The following RALYL variants were observed in gnomAD, a reference collection of about 807,000 sequenced individuals.
RALYL encodes the protein RNA-binding Raly-like protein.
RALYL carries 29 observed loss-of-function variants against 35.1 expected under a neutral mutation model. That is an observed-to-expected ratio of 0.83 (90% CI 0.61 to 1.13). The LOEUF (loss-of-function observed/expected upper bound fraction) is 1.13, where lower values mean the gene tolerates loss of function less well. Among genes scored for constraint, RALYL ranks in the 50% most tolerant of loss-of-function variants. The pLI is 0.00. For missense variants in RALYL, 359 were observed against 360.4 expected, an observed-to-expected ratio of 1.00 and a Z score of 0.03; for synonymous variants, 120 against 127.6, an observed-to-expected ratio of 0.94 and a Z score of 0.40.
At chr8:84,597,294 T>C (rs1231864896) in intron 2 of RALYL, among the ~76,000 whole-genome samples, 1 of 152,172 alleles carries the variant, frequency 6.6e-6, no homozygotes, top group Admixed American at 6.5e-5. Flanking sequence ...CAATTCTCTA[T>C]GATATTTTAT....
At chr8:84,535,869 C>CA (rs1219378176) in intron 2 of RALYL, among the ~76,000 whole-genome samples, 2 of 152,020 alleles carry the variant, frequency 1.3e-5, no homozygotes, top group Non-Finnish European at 2.9e-5. Context: ...TCCTGGGAGG[C>CA]AAAATCACTC....
intron 2 of RALYL, among the ~76,000 whole-genome samples, chr8:84,625,842 T>C (rs996088152): frequency 2.0e-5 from 3 of 152,070 alleles, no homozygotes; most frequent in African/African-American, 7.2e-5. Flanking sequence ...CCTTAACCAG[T>C]GGTGGAGGGG....
At chr8:84,551,908 A>G (rs2060745988) in intron 2 of RALYL, among the ~76,000 whole-genome samples, 1 of 152,156 alleles carries the variant, frequency 6.6e-6, no homozygotes, top group Non-Finnish European at 1.5e-5. Context: ...TTTGCTCTGA[A>G]TGCCTATTGC....
intron 1 of RALYL, among the ~76,000 whole-genome samples, chr8:84,186,483 AAGAG>A (rs949047433): frequency 6.6e-6 from 1 of 152,138 alleles, no homozygotes; most frequent in East Asian, 1.9e-4. Flanking sequence ...TAGTTCTTTT[AAGAG>A]AGAGAGAGAC....
chr8:84,388,839 T>G (rs1859889757), intron 1 of RALYL, among the ~76,000 whole-genome samples: 1 of 152,180 alleles, frequency 6.6e-6, no homozygotes, highest in African/African-American at 2.4e-5. Flanking sequence ...AGAAGCTCTT[T>G]AGTTTAATTA....
rs117228057 is a variant in RALYL at position 84,847,994 on chromosome 8, C to T, written c.366-1986C>T. ...TATCCTTAAAGCCAAAATAACAAGC[C>T]CATCTTAATAAGGTTATTTCAGTTA... On this transcript the variant is annotated intron_variant, in intron 4 of 8. Transcript: ENST00000521268. Among the ~76,000 whole-genome samples the T allele has an allele frequency of 7.6e-3, 1,149 of 152,156 alleles. 2 individuals are homozygous for T. Among genetic ancestry groups the T allele is most frequent in the Non-Finnish European group, 0.012 (785 of 68,000 alleles).
intron 2 of RALYL, chr8:84,679,773 G>T (rs566705470): frequency 9.3e-5 from 48 of 516,430 alleles, no homozygotes; most frequent in South Asian, 6.8e-4. Context: ...CAGCACTGAT[G>T]AAGCCAGGGA....
intron 1 of RALYL, among the ~76,000 whole-genome samples, chr8:84,479,537 A>G (rs188755752): frequency 1.4e-4 from 22 of 152,310 alleles, no homozygotes; most frequent in African/African-American, 5.1e-4. Flanking sequence ...TTATTTTCAA[A>G]TCATTTTATT....
At chr8:84,405,888 C>T (rs1461614124) in intron 1 of RALYL, among the ~76,000 whole-genome samples, 5 of 137,168 alleles carry the variant, frequency 3.6e-5, no homozygotes, top group South Asian at 2.3e-4. Flanking sequence ...GGCACGATCT[C>T]GGCTCACTGC....
chr8:84,884,876 G>C (rs60255403), intron 7 of RALYL, among the ~76,000 whole-genome samples: 1 of 151,976 alleles, frequency 6.6e-6, no homozygotes, highest in African/African-American at 2.4e-5. Flanking sequence ...TTGAACAAGC[G>C]GCAGGGTGAC....
chr8:84,762,359 T>A (rs1189459936), intron 2 of RALYL, among the ~76,000 whole-genome samples: 1 of 152,208 alleles, frequency 6.6e-6, no homozygotes, highest in East Asian at 1.9e-4. Context: ...TCTTTTGTAT[T>A]TCCTTGATGC....
intron 1 of RALYL, among the ~76,000 whole-genome samples, chr8:84,305,417 A>G (rs773141878): frequency 3.9e-5 from 6 of 152,206 alleles, no homozygotes; most frequent in Non-Finnish European, 5.9e-5. Flanking sequence ...GAGGATATTA[A>G]AAAACAGTTA....
intron 1 of RALYL, among the ~76,000 whole-genome samples, chr8:84,453,327 G>C (rs1485152417): frequency 6.6e-6 from 1 of 151,884 alleles, no homozygotes; most frequent in African/African-American, 2.4e-5. Flanking sequence ...CCTTCAATAT[G>C]TCTACTTCAG....
In RALYL at chr8:84,678,325, G is replaced by A. The variant is rs1342302589; in HGVS notation, c.257-96254G>A. The stretch of plus-strand genomic sequence containing the variant: ...GTCACCCAAGCTGGAGTGCAGTGGC[G>A]ATATCTCAGCTCACTGCAACCTCCA... On this transcript the variant is annotated intron_variant, in intron 2 of 8. Coordinates refer to ENST00000521268, the MANE Select transcript of RALYL (RefSeq NM_173848.7). Among the ~76,000 whole-genome samples, 10 of 151,866 alleles carry A rather than the reference G, an allele frequency of 6.6e-5. No homozygotes were observed. The East Asian group carries it at 1.4e-3, about 21-fold the overall frequency.
chr8:84,673,081 G>T (rs1023300248), intron 2 of RALYL, among the ~76,000 whole-genome samples: 6 of 152,200 alleles, frequency 3.9e-5, no homozygotes, highest in African/African-American at 1.4e-4. Flanking sequence ...ACTGGTGTTA[G>T]ATGGTATCTC....
chr8:84,830,018 G>C (rs1325234736), intron 4 of RALYL, among the ~76,000 whole-genome samples: 2 of 1,844 alleles, frequency 1.1e-3, no homozygotes, highest in Non-Finnish European at 6.2e-3. Flanking sequence ...CACTATACTG[G>C]GGGGGGGGGG....
intron 1 of RALYL, among the ~76,000 whole-genome samples, chr8:84,442,370 C>T (rs530390462): frequency 3.2e-4 from 49 of 152,032 alleles, no homozygotes; most frequent in Non-Finnish European, 5.0e-4. Context: ...ATTTAAATGC[C>T]GTACATAGAG....
chr8:84,662,946 G>T (rs562317159), intron 2 of RALYL, among the ~76,000 whole-genome samples: 1 of 152,118 alleles, frequency 6.6e-6, no homozygotes, highest in Non-Finnish European at 1.5e-5. Context: ...TACAGATTAA[G>T]CACAGCATCC....
chr8:84,379,152 A>C (rs1264846517), intron 1 of RALYL, among the ~76,000 whole-genome samples: 1 of 151,972 alleles, frequency 6.6e-6, no homozygotes, highest in African/African-American at 2.4e-5. Context: ...AATAAAGTTC[A>C]AATTGTCTCC....
Sources: gnomAD v4.1 joint callset for allele counts (sites outside exome capture counted in the v4.1 genomes callset) on GRCh38, gnomAD v4.1.1 for gene constraint, MANE v1.5 for transcripts, NCBI Gene and HGNC (gene_info 2026-07-23, HGNC 2026-07-21) for gene names.